Variants in THAP4 observed in about 807,000 individuals in gnomAD.
THAP4 encodes the protein peroxynitrite isomerase THAP4.
In THAP4, 18 loss-of-function variants were observed where a neutral mutation model predicts 48.1. That is an observed-to-expected ratio of 0.37 (90% confidence interval 0.26 to 0.56). THAP4 has a LOEUF of 0.56. Among genes scored for constraint, THAP4 ranks in the 20% least tolerant of loss-of-function variants. The probability of loss-of-function intolerance (pLI) is 0.78; values close to 1 mark genes in which losing one functional copy is unlikely to be tolerated. For synonymous variants in THAP4, 345 were observed against 324.9 expected (o/e 1.06, Z -0.66); for missense variants, 656 against 774.9 (o/e 0.85, Z 1.82).
At chr2:241,611,481 G>C (rs2067275314) in intron 2 of THAP4, among the ~76,000 whole-genome samples, 3 of 152,152 alleles carry the variant, frequency 2.0e-5, no homozygotes, top group African/African-American at 7.2e-5. Flanking sequence ...CCAGCACTTT[G>C]GGAGGCCAAG....
intron 2 of THAP4, among the ~76,000 whole-genome samples, chr2:241,606,929 G>A (rs1278309388): frequency 6.6e-5 from 10 of 152,202 alleles, no homozygotes; most frequent in South Asian, 2.1e-4. Context: ...CAGCTCACAC[G>A]GGAGGCACGG....
At chr2:241,588,877 C>G (rs2066922563) in intron 5 of THAP4, among the ~76,000 whole-genome samples, 1 of 151,994 alleles carries the variant, frequency 6.6e-6, no homozygotes. Context: ...AGACAGGACA[C>G]AAAAAGCACT....
Position 241,634,099 on chromosome 2 carries a change from A to C in THAP4, c.78-20T>G, listed in dbSNP as rs765888153. The C allele has an allele frequency of 3.3e-6, 5 of 1,493,544 alleles. No homozygotes were observed. The Admixed American group carries it at 1.2e-4, about 36-fold the overall frequency. The allele number at this position is 1,493,544 out of a possible 1,614,324, so 92.5% of individuals were successfully genotyped here. A position where few individuals can be genotyped will look rare whatever the true frequency, so the allele number is the denominator to read the frequency against. Reference sequence around the variant, plus strand: ...GGGAACCTACAGGACAAATGACAAAAAGTAATTAGAAATAATTAAATGTCT... The same window carrying C: ...GGGAACCTACAGGACAAATGACAAACAGTAATTAGAAATAATTAAATGTCT... On this transcript the variant is annotated intron_variant, in intron 1 of 5. Transcript: ENST00000407315.
chr2:241,600,542 A>G (rs2067099447), intron 5 of THAP4, among the ~76,000 whole-genome samples: 1 of 152,010 alleles, frequency 6.6e-6, no homozygotes, highest in South Asian at 2.1e-4. Context: ...CCTGGCTAAC[A>G]CAGCGAAACC....
chr2:241,632,778 G>A, intron 2 of THAP4, 139 bp downstream of exon 2: 2 of 655,876 alleles, frequency 3.0e-6, no homozygotes, highest in South Asian at 4.1e-5. Flanking sequence ...CACAAGGTAT[G>A]GTTACGACCA....
chr2:241,606,519 G>A, intron 2 of THAP4, 46 bp from the exon 3 acceptor site: 2 of 1,523,110 alleles, frequency 1.3e-6, no homozygotes, highest in Non-Finnish European at 1.8e-6. Context: ...CTCCAACCAT[G>A]CCTTGCTGAG....
intron 2 of THAP4, among the ~76,000 whole-genome samples, chr2:241,631,195 T>C (rs1427427637): frequency 6.6e-6 from 1 of 152,218 alleles, no homozygotes; most frequent in Non-Finnish European, 1.5e-5. Context: ...CTGGAGAACA[T>C]GTCGGATGGG....
chr2:241,632,908 G>C lies in THAP4; in HGVS notation c.1240+9C>G. 1 of 1,584,088 alleles carries C rather than the reference G, an allele frequency of 6.3e-7. No homozygotes were observed. The highest frequency in any genetic ancestry group is 8.6e-7 in the Non-Finnish European group (1 of 1,164,542). ...AGGGAACATGGGTACGCGAGGCTCC[G>C]GTACTGACCGCGGCTGGGCGACAGC... On this transcript the variant is annotated intron_variant, in intron 2 of 5. Coordinates refer to ENST00000407315, the MANE Select transcript of THAP4 (RefSeq NM_015963.6).
At position 241,637,142 on chromosome 2, in the gene THAP4, G is replaced by C; in HGVS notation, c.-125C>G. 4.0e-6 allele frequency: 4 copies of C among 992,002 alleles called. No individual in the cohort carries two copies. Among genetic ancestry groups the C allele is most frequent in the Non-Finnish European group, 4.8e-6 (4 of 835,852 alleles). 61.4% of individuals were successfully genotyped at this position (992,002 alleles called of 1,614,324 possible). A position where few individuals can be genotyped will look rare whatever the true frequency, so the allele number is the denominator to read the frequency against. ...GGACGTGGGCCGGCCCGCGGCGTCCGCGCCGTACGGCAAGATGGAGGCGCA... is the reference window on the plus strand; with the variant it reads ...GGACGTGGGCCGGCCCGCGGCGTCCCCGCCGTACGGCAAGATGGAGGCGCA... On this transcript the variant is annotated 5_prime_UTR_variant, in exon 1 of 6. Coordinates refer to ENST00000407315, the MANE Select transcript of THAP4 (RefSeq NM_015963.6).
intron 5 of THAP4, among the ~76,000 whole-genome samples, chr2:241,590,540 G>A (rs202142640): frequency 1.3e-5 from 1 of 75,512 alleles, no homozygotes; most frequent in African/African-American, 5.4e-5. Context: ...GCTGATGATG[G>A]GCACTAGGAC....
At chr2:241,598,260 T>C (rs2067073439) in intron 5 of THAP4, among the ~76,000 whole-genome samples, 1 of 152,176 alleles carries the variant, frequency 6.6e-6, no homozygotes, top group Non-Finnish European at 1.5e-5. Flanking sequence ...GGTTACCAGA[T>C]ACCTTCCCAG....
intron 2 of THAP4, among the ~76,000 whole-genome samples, chr2:241,624,217 G>A (rs1358476408): frequency 6.6e-6 from 1 of 152,372 alleles, no homozygotes; most frequent in East Asian, 1.9e-4. Flanking sequence ...GCCAGGCGTG[G>A]TGGCTCACGC....
chr2:241,616,756 A>G lies in THAP4; in HGVS notation c.1241-10283T>C, dbSNP rs1575032144. 6.6e-6 allele frequency among the ~76,000 whole-genome samples: 1 copy of G among 152,196 alleles called. No individual in the cohort carries two copies. Among genetic ancestry groups the G allele is most frequent in the African/African-American group, 2.4e-5 (1 of 41,460 alleles). On this transcript the variant is annotated intron_variant, in intron 2 of 5. Transcript: ENST00000407315. This position sits in a 1 kb window ranked among gnomAD's most constrained non-coding sequence, Gnocchi z 4.6. ...AAAGGAAGGAGCACGCGGCTAAGCAACTAGATGGAGGCTTACGGCTGTGAG... is the reference window on the plus strand; with the variant it reads ...AAAGGAAGGAGCACGCGGCTAAGCAGCTAGATGGAGGCTTACGGCTGTGAG...
At chr2:241,592,605 C>T (rs913575626) in intron 5 of THAP4, among the ~76,000 whole-genome samples, 4 of 152,244 alleles carry the variant, frequency 2.6e-5, no homozygotes, top group Non-Finnish European at 5.9e-5. Context: ...AGTAAAGACA[C>T]TCACACGTCC....
intron 3 of THAP4, among the ~76,000 whole-genome samples, chr2:241,605,263 T>TG (rs1203504762): frequency 6.6e-6 from 1 of 152,186 alleles, no homozygotes; most frequent in Non-Finnish European, 1.5e-5. Context: ...GTCTCAGAGC[T>TG]GGGGGTCTGA....
intron 2 of THAP4, among the ~76,000 whole-genome samples, chr2:241,627,518 T>G (rs1434491168): frequency 6.6e-6 from 1 of 152,200 alleles, no homozygotes; most frequent in African/African-American, 2.4e-5. Context: ...GGGCACTGCC[T>G]CTGGAGCGTG....
At chr2:241,594,442 C>T (rs1042786522) in intron 5 of THAP4, among the ~76,000 whole-genome samples, 4 of 151,944 alleles carry the variant, frequency 2.6e-5, no homozygotes, top group South Asian at 4.2e-4. Flanking sequence ...ATAAAGTAGC[C>T]GTGCTCATTA....
Position 241,606,334 on chromosome 2 carries a change from G to A in THAP4, c.1380C>T (p.Gly460=). ...CTTACGAGAAGTTCAGCATGGGCTG[G>A]CCCACGTGGGAGATGTGAACCTCCT... is the stretch of plus-strand genomic sequence containing the variant. ...YLEEVHISHV[G]QPMLNFSFNS... is the part of the protein sequence containing the mutation. Residue 460 remains glycine, a synonymous_variant, in exon 3 of 6, where the codon GGC becomes GGT. Transcript: ENST00000407315. The A allele has an allele frequency of 6.4e-7, 1 of 1,560,762 alleles. No individual in the cohort carries two copies. The highest frequency in any genetic ancestry group is 8.7e-7 in the Non-Finnish European group (1 of 1,151,878).
At chr2:241,627,110 T>C (rs1199196881) in intron 2 of THAP4, among the ~76,000 whole-genome samples, 2 of 152,204 alleles carry the variant, frequency 1.3e-5, no homozygotes, top group Admixed American at 1.3e-4. Flanking sequence ...CCCCCTGCCC[T>C]GTTCCCCTAT....
Sources: gnomAD v4.1 joint callset for allele counts (sites outside exome capture counted in the v4.1 genomes callset) on GRCh38, gnomAD v4.1.1 for gene constraint, Gnocchi (gnomAD v3.1) non-coding constraint, MANE v1.5 for transcripts, NCBI Gene and HGNC (gene_info 2026-07-23, HGNC 2026-07-21) for gene names.